PRIMPOL: variants seen among roughly 807,000 people sequenced by gnomAD.
PRIMPOL encodes the protein primase and DNA directed polymerase.
Under a neutral mutation model 63.6 loss-of-function variants are expected in PRIMPOL, and 54 were observed. That is an observed-to-expected ratio of 0.85 (90% CI 0.68 to 1.07). The LOEUF (loss-of-function observed/expected upper bound fraction) is 1.07, where lower values mean the gene tolerates loss of function less well. Among genes scored for constraint, PRIMPOL ranks in the 50% least tolerant of loss-of-function variants. PRIMPOL has a pLI of 0.00. For missense variants in PRIMPOL, 610 were observed against 648.3 expected, an observed-to-expected ratio of 0.94 and a Z score of 0.64; for synonymous variants, 197 against 220.2, an observed-to-expected ratio of 0.89 and a Z score of 0.93.
At chr4:184,658,307 G>A (rs2150040490) in intron 3 of PRIMPOL, among the ~76,000 whole-genome samples, 1 of 152,158 alleles carries the variant, frequency 6.6e-6, no homozygotes, top group South Asian at 2.1e-4. Context: ...CCTAATTCAA[G>A]CAGCAGAAAT....
At position 184,694,553 on chromosome 4, in the gene PRIMPOL, A is replaced by T; in HGVS notation, c.1457A>T (p.Glu486Val). 2 of 1,613,446 alleles carry T rather than the reference A, an allele frequency of 1.2e-6. No homozygotes were observed. The highest frequency in any genetic ancestry group is 1.7e-6 in the Non-Finnish European group (2 of 1,179,882). ...EEEFTTDEAD[E>V]TRSNETQNPH... ...GAGTTTACAACAGATGAAGCAGATG[A>T]AACTAGGAGCAATGAAACCCAGAAT... The change falls in exon 14 of 14, where the codon GAA becomes GTA. Residue 486 changes from glutamate (E) to valine (V), a missense_variant. Glu to Val is a moderately radical substitution (Grantham distance 121). Coordinates refer to ENST00000314970, the MANE Select transcript of PRIMPOL (RefSeq NM_152683.4).
Position 184,694,598 on chromosome 4 carries a change from G to A in PRIMPOL, c.1502G>A (p.Ser501Asn). ...CAGAATCCTCATAAACCATCACCTA[G>A]CAGGCTGTCAACAGGTGCATCTGCT... is the stretch of plus-strand genomic sequence containing the variant. The part of the protein sequence containing the change: ...ETQNPHKPSP[S>N]RLSTGASADA... Residue 501 changes from serine (S) to asparagine (N), a missense_variant, in exon 14 of 14, where the codon AGC (serine) becomes AAC (asparagine). This residue lies in a region of PRIMPOL where 444 missense variants were observed against 456.4 expected (regional missense o/e 0.97). Coordinates refer to ENST00000314970, the MANE Select transcript of PRIMPOL (RefSeq NM_152683.4). 1.2e-6 allele frequency: 2 copies of A among 1,614,116 alleles called. No individual in the cohort carries two copies. The highest frequency in any genetic ancestry group is 1.1e-5 in the South Asian group (1 of 91,076).
chr4:184,672,189 A>G lies in PRIMPOL; in HGVS notation c.573A>G (p.Lys191=). The G allele has an allele frequency of 3.7e-6, 6 of 1,603,936 alleles. No homozygotes were observed. Among genetic ancestry groups the G allele is most frequent in the Non-Finnish European group, 4.2e-6 (5 of 1,177,078 alleles). Residue 191 remains lysine (K), a synonymous_variant, in exon 7 of 14, where the codon AAA becomes AAG. Coordinates refer to ENST00000314970, the MANE Select transcript of PRIMPOL (RefSeq NM_152683.4). ...DNIHVGNFLR[K]ILQPALDLLG... ...TTTCCTTAGGTAATTTTTTGAGAAA[A>G]ATTTTGCAGCCTGCTCTTGACTTGC...
chr4:184,671,885 GGC>G (rs1751779295), intron 6 of PRIMPOL, among the ~76,000 whole-genome samples: 1 of 147,048 alleles, frequency 6.8e-6, no homozygotes, highest in Non-Finnish European at 1.5e-5. Flanking sequence ...TGGGATTACA[GGC>G]GCACCACCAC....
At chr4:184,670,290 C>T (rs1405939) in intron 6 of PRIMPOL, among the ~76,000 whole-genome samples, 19,865 of 152,108 alleles carry the variant, frequency 0.13, 1,393 homozygotes, top group Middle Eastern at 0.17. Flanking sequence ...CATTCTCTTC[C>T]CTTATTGTCT....
At chr4:184,664,453 C>T (rs1749254140) in intron 5 of PRIMPOL, among the ~76,000 whole-genome samples, 2 of 152,202 alleles carry the variant, frequency 1.3e-5, no homozygotes, top group African/African-American at 4.8e-5. Context: ...CCTATTTCTC[C>T]CCCAAGTAAT....
intron 5 of PRIMPOL, among the ~76,000 whole-genome samples, chr4:184,663,614 C>T (rs181138641): frequency 4.5e-4 from 69 of 152,274 alleles, no homozygotes; most frequent in African/African-American, 1.6e-3. Context: ...ATTTTTTTCT[C>T]CTTATTCTTT....
At position 184,679,727 on chromosome 4, in the gene PRIMPOL, C is replaced by T. The variant is rs558374465; in HGVS notation, c.1007+1333C>T. Among the ~76,000 whole-genome samples the T allele has an allele frequency of 2.6e-4, 40 of 152,248 alleles. No homozygotes were observed. In the East Asian group the frequency reaches 6.4e-3, roughly 24 times the overall value. ...CAATACCACCTTCCCACCTCAGCTC[C>T]GCCTCCTGCCAGATCTGCAGTGGCA... On this transcript the variant is annotated intron_variant, in intron 8 of 13. Transcript: ENST00000314970.
At chr4:184,669,682 T>C (rs1751046544) in intron 6 of PRIMPOL, among the ~76,000 whole-genome samples, 1 of 152,156 alleles carries the variant, frequency 6.6e-6, no homozygotes. Flanking sequence ...TAGTCAAAGG[T>C]AAGAAAGCCT....
chr4:184,691,017 G>A (rs1758372073), intron 11 of PRIMPOL, among the ~76,000 whole-genome samples: 1 of 152,178 alleles, frequency 6.6e-6, no homozygotes, highest in Non-Finnish European at 1.5e-5. Flanking sequence ...TAGCTAGCAT[G>A]GAATTGGTTT....
chr4:184,652,441 T>C (rs1349871951), intron 2 of PRIMPOL, among the ~76,000 whole-genome samples: 1 of 152,046 alleles, frequency 6.6e-6, no homozygotes, highest in Non-Finnish European at 1.5e-5. Context: ...CTGTGTGTTT[T>C]CTTACTCCTT....
In PRIMPOL at chr4:184,694,594, C is replaced by T; in HGVS notation, c.1498C>T (p.Pro500Ser). ...NETQNPHKPS[P>S]SRLSTGASAD... The stretch of plus-strand genomic sequence containing the variant: ...AACCCAGAATCCTCATAAACCATCA[C>T]CTAGCAGGCTGTCAACAGGTGCATC... Residue 500 changes from proline (P) to serine (S), a missense_variant, in exon 14 of 14, where the codon CCT becomes TCT. Around this residue, in one of 3 missense-constraint regions of PRIMPOL, gnomAD observed 444 missense variants for 456.4 expected, o/e 0.97. Transcript: ENST00000314970. The T allele has an allele frequency of 6.2e-7, 1 of 1,614,130 alleles. No individual in the cohort carries two copies. The highest frequency in any genetic ancestry group is 1.1e-5 in the South Asian group (1 of 91,078).
intron 11 of PRIMPOL, among the ~76,000 whole-genome samples, chr4:184,690,368 T>C (rs960304629): frequency 2.0e-5 from 3 of 152,242 alleles, no homozygotes; most frequent in African/African-American, 7.2e-5. Flanking sequence ...TTTAAATCAA[T>C]TTTACCCTAA....
chr4:184,670,629 A>G (rs1560996042), intron 6 of PRIMPOL, among the ~76,000 whole-genome samples: 1 of 150,690 alleles, frequency 6.6e-6, no homozygotes, highest in Non-Finnish European at 1.5e-5. Context: ...GCTCACTGCA[A>G]CCTCCACCTC....
Position 184,692,840 on chromosome 4 carries a change from A to G in PRIMPOL, c.1425+1128A>G, listed in dbSNP as rs772950710. On this transcript the variant is annotated intron_variant, in intron 13 of 13. Coordinates refer to ENST00000314970, the MANE Select transcript of PRIMPOL (RefSeq NM_152683.4). ...TCTGGTAGGCAAAATGCAGTACCTC[A>G]GTTGTTTTAATTTGCATCTCTGTAA... Among the ~76,000 whole-genome samples the G allele has an allele frequency of 6.4e-4, 98 of 152,072 alleles. 1 individual carries two copies. Among genetic ancestry groups the G allele is most frequent in the Non-Finnish European group, 1.1e-3 (72 of 68,016 alleles).
At chr4:184,682,008 G>T (rs1344554651) in intron 8 of PRIMPOL, among the ~76,000 whole-genome samples, 1 of 152,180 alleles carries the variant, frequency 6.6e-6, no homozygotes, top group Non-Finnish European at 1.5e-5. Context: ...AGTATTATAA[G>T]TAATCACCAA....
At chr4:184,659,736 A>C (rs1747735099) in intron 4 of PRIMPOL, among the ~76,000 whole-genome samples, 1 of 152,228 alleles carries the variant, frequency 6.6e-6, no homozygotes. Context: ...AGGAATATTT[A>C]TGTTACTTAC....
intron 6 of PRIMPOL, among the ~76,000 whole-genome samples, chr4:184,670,643 G>A (rs999247968): frequency 6.6e-6 from 1 of 150,706 alleles, no homozygotes; most frequent in Non-Finnish European, 1.5e-5. Context: ...CCACCTCCCA[G>A]GTTCAAGCAA....
intron 6 of PRIMPOL, among the ~76,000 whole-genome samples, chr4:184,671,473 A>C (rs1560999440): frequency 1.3e-5 from 2 of 152,054 alleles, no homozygotes; most frequent in Non-Finnish European, 2.9e-5. Flanking sequence ...TGATCTCTTA[A>C]GGGCACGAGA....
Sources: gnomAD v4.1 joint callset for allele counts (sites outside exome capture counted in the v4.1 genomes callset) on GRCh38, gnomAD v4.1.1 for gene constraint, gnomAD v4.1.1 regional missense constraint, MANE v1.5 for transcripts, NCBI Gene and HGNC (gene_info 2026-07-23, HGNC 2026-07-21) for gene names.